The following ADAMTS6 variants were observed in gnomAD, a reference collection of about 807,000 sequenced individuals.
ADAMTS6 encodes the protein ADAM metallopeptidase with thrombospondin type 1 motif 6.
A neutral mutation model predicts 144.3 loss-of-function variants in ADAMTS6; 23 were observed. The observed-to-expected ratio is 0.16, with a 90% CI of 0.11 to 0.23. The LOEUF (loss-of-function observed/expected upper bound fraction) is 0.23, where lower values mean the gene tolerates loss of function less well. Among genes scored for constraint, ADAMTS6 ranks in the 10% least tolerant of loss-of-function variants. The pLI is 1.00. For missense variants in ADAMTS6, 999 were observed against 1,379.6 expected (o/e 0.72, Z 4.37); for synonymous variants, 444 against 457.5 (o/e 0.97, Z 0.38).
chr5:65,194,833 TAGAA>T, intron 21 of ADAMTS6, among the ~76,000 whole-genome samples: 1 of 152,308 alleles, frequency 6.6e-6, no homozygotes, highest in South Asian at 2.1e-4. Context: ...CATAAGGAGA[TAGAA>T]AGCTTAATTT....
intron 7 of ADAMTS6, among the ~76,000 whole-genome samples, chr5:65,343,904 C>T (rs1748082031): frequency 6.6e-6 from 1 of 151,996 alleles, no homozygotes; most frequent in South Asian, 2.1e-4. Context: ...TCTGAACAGA[C>T]ATTTCTCAAA....
chr5:65,301,064 C>T (rs751162099), intron 9 of ADAMTS6, among the ~76,000 whole-genome samples: 2 of 151,052 alleles, frequency 1.3e-5, no homozygotes, highest in African/African-American at 4.9e-5. Flanking sequence ...TTTATCGTAG[C>T]CTCCTTCATT....
At chr5:65,197,211 T>C in intron 20 of ADAMTS6, 60 bp from the exon 21 acceptor site, 1 of 1,576,196 alleles carries the variant, frequency 6.3e-7, no homozygotes, top group Non-Finnish European at 8.7e-7. Flanking sequence ...AAGTTAGGTA[T>C]GCATAGCTTT....
intron 7 of ADAMTS6, among the ~76,000 whole-genome samples, chr5:65,449,924 G>C (rs570067270): frequency 2.6e-4 from 40 of 152,156 alleles, no homozygotes; most frequent in Non-Finnish European, 5.0e-4. Context: ...ATGCAAATGT[G>C]AAGTATTGGG....
At chr5:65,212,315 G>A (rs1011365589) in intron 20 of ADAMTS6, among the ~76,000 whole-genome samples, 2 of 151,764 alleles carry the variant, frequency 1.3e-5, no homozygotes, top group African/African-American at 4.8e-5. Flanking sequence ...ACCCTAATGT[G>A]AGTTCCCAGA....
At chr5:65,232,030 G>T (rs1347421303) in intron 15 of ADAMTS6, among the ~76,000 whole-genome samples, 2 of 152,112 alleles carry the variant, frequency 1.3e-5, no homozygotes, top group African/African-American at 4.8e-5. Context: ...AGAATCACTT[G>T]ACCCTGGGAA....
At chr5:65,408,009 G>A (rs1370637470) in intron 7 of ADAMTS6, among the ~76,000 whole-genome samples, 1 of 152,072 alleles carries the variant, frequency 6.6e-6, no homozygotes, top group Non-Finnish European at 1.5e-5. Context: ...ACTAAACATG[G>A]AAAGGAACAA....
At chr5:65,157,487 T>A (rs1315504118) in intron 24 of ADAMTS6, among the ~76,000 whole-genome samples, 1 of 152,128 alleles carries the variant, frequency 6.6e-6, no homozygotes, top group Non-Finnish European at 1.5e-5. Flanking sequence ...CTCACTGGAG[T>A]TGGGAGATAC....
chr5:65,308,069 G>A (rs940050488), intron 9 of ADAMTS6, among the ~76,000 whole-genome samples: 1 of 152,126 alleles, frequency 6.6e-6, no homozygotes, highest in Non-Finnish European at 1.5e-5. Context: ...ATGTGAATTG[G>A]ATATAATGTG....
intron 3 of ADAMTS6, among the ~76,000 whole-genome samples, chr5:65,462,032 C>G (rs1759672411): frequency 6.6e-6 from 1 of 152,154 alleles, no homozygotes; most frequent in African/African-American, 2.4e-5. Context: ...ACAAAAAAAG[C>G]AGCCCTGAGT....
intron 3 of ADAMTS6, among the ~76,000 whole-genome samples, chr5:65,463,477 A>G (rs543504369): frequency 3.8e-4 from 58 of 152,272 alleles, no homozygotes; most frequent in African/African-American, 1.4e-3. Flanking sequence ...TAGTGGGAGT[A>G]CCAGAAATCT....
intron 15 of ADAMTS6, 99 bp from the exon 16 acceptor site, chr5:65,226,318 A>G (rs879103812): frequency 7.9e-7 from 1 of 1,270,534 alleles, no homozygotes; most frequent in East Asian, 2.6e-5. Flanking sequence ...CGTAGACATC[A>G]TTCCCTGCTT....
At chr5:65,324,317 A>G (rs1332382060) in intron 9 of ADAMTS6, among the ~76,000 whole-genome samples, 4 of 152,186 alleles carry the variant, frequency 2.6e-5, no homozygotes, top group African/African-American at 4.8e-5. Flanking sequence ...ATCTAAATAT[A>G]AAAGCTAGAA....
intron 11 of ADAMTS6, among the ~76,000 whole-genome samples, chr5:65,276,042 G>A (rs1228561426): frequency 2.0e-5 from 3 of 152,112 alleles, no homozygotes; most frequent in East Asian, 3.9e-4. Flanking sequence ...TGAAAAAGAC[G>A]ATACTTATTG....
chr5:65,397,876 T>TAAAAA, intron 7 of ADAMTS6, among the ~76,000 whole-genome samples: 1 of 121,700 alleles, frequency 8.2e-6, no homozygotes, highest in Non-Finnish European at 1.7e-5. Context: ...GACCCTGTCT[T>TAAAAA]AAAAAAAAAA....
intron 7 of ADAMTS6, among the ~76,000 whole-genome samples, chr5:65,433,775 T>C (rs1226332488): frequency 6.6e-6 from 1 of 152,160 alleles, no homozygotes; most frequent in African/African-American, 2.4e-5. Context: ...CACAGAGAGA[T>C]TGCTGGTGGC....
At chr5:65,303,628 A>G (rs1360205698) in intron 9 of ADAMTS6, among the ~76,000 whole-genome samples, 1 of 151,828 alleles carries the variant, frequency 6.6e-6, no homozygotes, top group African/African-American at 2.4e-5. Context: ...TACAGTATAT[A>G]ATTTAAAAAT....
intron 7 of ADAMTS6, among the ~76,000 whole-genome samples, chr5:65,350,145 C>A (rs1748718377): frequency 6.6e-6 from 1 of 152,140 alleles, no homozygotes; most frequent in Admixed American, 6.5e-5. Context: ...CAGTAAGTAT[C>A]TATAGTGTTG....
intron 24 of ADAMTS6, among the ~76,000 whole-genome samples, chr5:65,158,394 C>A (rs568309242): frequency 3.7e-4 from 56 of 152,306 alleles, no homozygotes; most frequent in Admixed American, 9.2e-4. Context: ...TGTACACTAA[C>A]CACACCTTTC....
Sources: allele counts gnomAD v4.1 joint callset (sites outside exome capture counted in the v4.1 genomes callset), GRCh38; gene constraint gnomAD v4.1.1; transcripts MANE v1.5; gene names NCBI Gene and HGNC (gene_info 2026-07-23, HGNC 2026-07-21).